NBPF26: variants seen among roughly 807,000 people sequenced by gnomAD.
The protein encoded by NBPF26 is NBPF family member NBPF26.
In NBPF26, 79 loss-of-function variants were observed where a neutral mutation model predicts 119.6. That is an observed-to-expected ratio of 0.66 (90% CI 0.55 to 0.80). The LOEUF is 0.80. Among genes scored for constraint, NBPF26 ranks in the 30% least tolerant of loss-of-function variants. The probability of loss-of-function intolerance (pLI) is 0.00; values close to 1 mark genes in which losing one functional copy is unlikely to be tolerated. For synonymous variants in NBPF26, 299 were observed against 457.7 expected, an observed-to-expected ratio of 0.65 and a Z score of 4.43; for missense variants, 800 against 1,198.2, an observed-to-expected ratio of 0.67 and a Z score of 4.91.
chr1:120,770,845 A>C lies in NBPF26; in HGVS notation c.155+7136A>C. Among the ~76,000 whole-genome samples, 2 of 117,270 alleles carry C rather than the reference A, an allele frequency of 1.7e-5. 1 individual carries two copies. The highest frequency in any genetic ancestry group is 1.6e-4 in the Admixed American group (2 of 12,408). 76.9% of individuals were successfully genotyped at this position (117,270 alleles called of 152,430 possible). A position where few individuals can be genotyped will look rare whatever the true frequency, so the allele number is the denominator to read the frequency against. The stretch of plus-strand genomic sequence containing the variant: ...AGTGTGGAACATTTGAAAGTATACA[A>C]AAAGGGGACTTTTCAGATCAGGAAT... On this transcript the variant is annotated intron_variant, in intron 2 of 29. Coordinates refer to ENST00000620612, the Ensembl canonical transcript of NBPF26.
At position 120,755,933 on chromosome 1, in the gene NBPF26, C is replaced by CT. The variant is rs1168463033; in HGVS notation, c.74-7673dup. On this transcript the variant is annotated intron_variant, in intron 1 of 29. Coordinates refer to ENST00000620612, the Ensembl canonical transcript of NBPF26. ...AACAAAATCGATTTATCTCTTATTG[C>CT]TTTTTTTTTTTTTTTTTTTTTTCCT... Among the ~76,000 whole-genome samples the CT allele has an allele frequency of 4.7e-3, 406 of 87,294 alleles. 40 individuals carry two copies. Among genetic ancestry groups the CT allele is most frequent in the South Asian group, 6.4e-3 (18 of 2,810 alleles). 57.3% of individuals were successfully genotyped at this position (87,294 alleles called of 152,430 possible). A position where few individuals can be genotyped will look rare whatever the true frequency, so the allele number is the denominator to read the frequency against.
chr1:120,818,547 C>G, intron 15 of NBPF26, among the ~76,000 whole-genome samples: 1 of 125,840 alleles, frequency 7.9e-6, no homozygotes, highest in Admixed American at 7.6e-5. Context: ...GTTTGCTTTG[C>G]TTCTCTCGTT....
exon 1 of NBPF26, chr1:120,724,120 A>T: frequency 7.4e-7 from 1 of 1,347,306 alleles, no homozygotes; most frequent in Non-Finnish European, 9.6e-7. Context: ...CCCCATGTGG[A>T]TCTGCCCAGG....
chr1:120,776,023 GT>G (rs1651303793), intron 2 of NBPF26, among the ~76,000 whole-genome samples: 1 of 107,034 alleles, frequency 9.3e-6, no homozygotes, highest in Non-Finnish European at 1.7e-5. Context: ...GCTCAACCCA[GT>G]TGTTCCCAAA....
Position 120,754,211 on chromosome 1 carries a change from A to G in NBPF26, c.74-9417A>G, listed in dbSNP as rs1200957658. On this transcript the variant is annotated intron_variant, in intron 1 of 29. Coordinates refer to ENST00000620612, the Ensembl canonical transcript of NBPF26. ...GAGCGAGACTCCATCTCAAAAAAAAAAAAAGCTTTAAAAAGGGAGTTTACT... is the reference window on the plus strand; with the variant it reads ...GAGCGAGACTCCATCTCAAAAAAAAGAAAAGCTTTAAAAAGGGAGTTTACT... Among the ~76,000 whole-genome samples the G allele has an allele frequency of 1.3e-4, 4 of 29,896 alleles. 2 individuals carry two copies. The highest frequency in any genetic ancestry group is 2.3e-4 in the Non-Finnish European group (4 of 17,182). 19.6% of individuals were successfully genotyped at this position (29,896 alleles called of 152,430 possible).
intron 4 of NBPF26, chr1:120,793,771 G>C: frequency 1.0e-6 from 1 of 1,000,974 alleles, no homozygotes; most frequent in Non-Finnish European, 1.5e-6. Context: ...AAGAGGAACA[G>C]AGCTCTGGGA....
chr1:120,792,587 C>T lies in NBPF26; in HGVS notation c.416-574C>T, dbSNP rs1348587001. On this transcript the variant is annotated intron_variant, in intron 3 of 29. Transcript: ENST00000620612. ...TACAATCTCGGCTCACTGCAACCTC[C>T]GCCTCCTGGGTTCAAGTGATTCTTC... 1.0e-4 allele frequency among the ~76,000 whole-genome samples: 11 copies of T among 109,530 alleles called. 3 individuals carry two copies. Among genetic ancestry groups the T allele is most frequent in the Middle Eastern group, 4.1e-3 (1 of 246 alleles). The allele number at this position is 109,530 out of a possible 152,430, so 71.9% of individuals were successfully genotyped here. A position where few individuals can be genotyped will look rare whatever the true frequency, so the allele number is the denominator to read the frequency against.
Position 120,759,077 on chromosome 1 carries a change from C to T in NBPF26, c.74-4551C>T, listed in dbSNP as rs1257109085. ...GACAGGGAGTTTATTCTGTATACTA[C>T]GGTATCCCTGACATCAGGGCTTGTG... On this transcript the variant is annotated intron_variant, in intron 1 of 29. Coordinates refer to ENST00000620612, the Ensembl canonical transcript of NBPF26. 2.1e-5 allele frequency among the ~76,000 whole-genome samples: 2 copies of T among 93,378 alleles called. 1 individual carries two copies. The highest frequency in any genetic ancestry group is 3.8e-5 in the Non-Finnish European group (2 of 52,198). The allele number at this position is 93,378 out of a possible 152,430, so 61.3% of individuals were successfully genotyped here.
chr1:120,840,913 G>C (rs1410610595), downstream of NBPF26: 5 of 382,958 alleles, frequency 1.3e-5, 1 homozygote, highest in Admixed American at 8.5e-5. Flanking sequence ...ATGTCTCTGA[G>C]CTTCTATACC....
rs1457323876 is a variant in NBPF26 at position 120,786,375 on chromosome 1, G to A, written c.415+1142G>A. 7.3e-5 allele frequency among the ~76,000 whole-genome samples: 8 copies of A among 109,042 alleles called. 2 individuals are homozygous for A. The South Asian group carries it at 2.1e-3, about 29-fold the overall frequency. The allele number at this position is 109,042 out of a possible 152,430, so 71.5% of individuals were successfully genotyped here. Reference sequence around the variant, plus strand: ...TTTCCTCTGCTACCCTGTAGTTGAGGGCCATGTTATCTCTCACCTGGACTT... The same window carrying A: ...TTTCCTCTGCTACCCTGTAGTTGAGAGCCATGTTATCTCTCACCTGGACTT... On this transcript the variant is annotated intron_variant, in intron 3 of 29. Coordinates refer to ENST00000620612, the Ensembl canonical transcript of NBPF26.
chr1:120,817,957 C>G (rs1264594277), intron 14 of NBPF26, among the ~76,000 whole-genome samples, 166 bp from the exon 15 acceptor site: 3 of 116,502 alleles, frequency 2.6e-5, no homozygotes, highest in African/African-American at 1.5e-4. Context: ...GCAGGGTCAT[C>G]TAATTCTCAC....
chr1:120,805,269 C>T, intron 4 of NBPF26: 1 of 1,046,852 alleles, frequency 9.6e-7, no homozygotes, highest in Non-Finnish European at 1.3e-6. Flanking sequence ...ATGACACCCC[C>T]ACCTTCTAAT....
At chr1:120,810,940 T>C (rs1379920860) in intron 9 of NBPF26, among the ~76,000 whole-genome samples, 1 of 108,776 alleles carries the variant, frequency 9.2e-6, no homozygotes, top group Non-Finnish European at 1.8e-5. Flanking sequence ...TTGGCTTGTC[T>C]TAGCTATTAA....
intron 10 of NBPF26, among the ~76,000 whole-genome samples, chr1:120,812,900 G>A (rs1178136645): frequency 1.4e-4 from 16 of 110,650 alleles, no homozygotes; most frequent in Admixed American, 1.2e-3. Context: ...TCCAGCCTGG[G>A]CGACAGGGCA....
intron 1 of NBPF26, among the ~76,000 whole-genome samples, chr1:120,755,197 C>CAGT (rs2101389775): frequency 1.1e-5 from 1 of 89,562 alleles, no homozygotes; most frequent in East Asian, 2.6e-4. Context: ...ACATCTGTAT[C>CAGT]AGTGGGTCTC....
chr1:120,828,526 TG>T (rs1652271191), intron 18 of NBPF26, among the ~76,000 whole-genome samples: 19 of 94,604 alleles, frequency 2.0e-4, no homozygotes, highest in Non-Finnish European at 1.9e-5. Context: ...ACATTGGACC[TG>T]GGCAGATGTG....
chr1:120,840,633 A>T (rs1652498183), downstream of NBPF26: 2 of 1,452,176 alleles, frequency 1.4e-6, no homozygotes, highest in Admixed American at 3.8e-5. Context: ...TCCTGCAGGC[A>T]GGACCTATAG....
In NBPF26 at chr1:120,813,445, T is replaced by G. The variant is rs1553271266; in HGVS notation, c.1775-446T>G. On this transcript the variant is annotated intron_variant, in intron 10 of 29. Transcript: ENST00000620612. The stretch of plus-strand genomic sequence containing the variant: ...TTAAAAATCAAAGATTTTAAAAATC[T>G]TTCGCATACTTGTCCTTGAAATTCC... Among the ~76,000 whole-genome samples the G allele has an allele frequency of 2.4e-4, 31 of 127,758 alleles. 6 individuals are homozygous for G. In the South Asian group the frequency reaches 5.8e-3, roughly 24 times the overall value. The allele number at this position is 127,758 out of a possible 152,430, so 83.8% of individuals were successfully genotyped here.
At position 120,808,134 on chromosome 1, in the gene NBPF26, A is replaced by T. The variant is rs1324281298; in HGVS notation, c.1065-411A>T. ...GACCCTGTCATTCTTTTCTTCTTTC[A>T]TCTTTTCAATTCGCCCCATCTGCAC... On this transcript the variant is annotated intron_variant, in intron 6 of 29. Coordinates refer to ENST00000620612, the Ensembl canonical transcript of NBPF26. Among the ~76,000 whole-genome samples the T allele has an allele frequency of 1.4e-3, 144 of 100,088 alleles. 2 individuals carry two copies. The highest frequency in any genetic ancestry group is 2.2e-3 in the Non-Finnish European group (110 of 50,294). The allele number at this position is 100,088 out of a possible 152,430, so 65.7% of individuals were successfully genotyped here.
Sources: allele counts gnomAD v4.1 joint callset (sites outside exome capture counted in the v4.1 genomes callset), GRCh38; gene constraint gnomAD v4.1.1; transcripts MANE v1.5; gene names NCBI Gene and HGNC (gene_info 2026-07-23, HGNC 2026-07-21).